CAPN9: variants seen among roughly 807,000 people sequenced by gnomAD.
CAPN9 encodes calpain-9.
CAPN9 carries 81 observed loss-of-function variants against 92.8 expected under a neutral mutation model. That is an observed-to-expected ratio of 0.87 (90% CI 0.73 to 1.05). CAPN9 has a LOEUF of 1.05. Ranked by LOEUF, CAPN9 falls within the 50% of genes least tolerant of loss-of-function variation. The pLI is 0.00. For missense variants in CAPN9, 848 were observed against 866.2 expected, an observed-to-expected ratio of 0.98 and a Z score of 0.26; for synonymous variants, 304 against 328.0, an observed-to-expected ratio of 0.93 and a Z score of 0.79.
At chr1:230,775,713 TG>T (rs764064320) in intron 8 of CAPN9, among the ~76,000 whole-genome samples, 9 of 152,040 alleles carry the variant, frequency 5.9e-5, no homozygotes, top group Non-Finnish European at 1.3e-4. Flanking sequence ...GTCAGGAGAT[TG>T]AAACCATCCT....
chr1:230,793,016 C>A, intron 17 of CAPN9, 88 bp downstream of exon 17: 1 of 1,007,980 alleles, frequency 9.9e-7, no homozygotes, highest in Non-Finnish European at 1.6e-6. Flanking sequence ...CTTCTCTCTG[C>A]TGCCCAGGAG....
In CAPN9 at chr1:230,801,677, A is replaced by G; in HGVS notation, c.*81A>G. 1 of 1,280,092 alleles carries G rather than the reference A, an allele frequency of 7.8e-7. No individual in the cohort carries two copies. Among genetic ancestry groups the G allele is most frequent in the Non-Finnish European group, 1.1e-6 (1 of 875,270 alleles). The allele number at this position is 1,280,092 out of a possible 1,614,324, so 79.3% of individuals were successfully genotyped here. On this transcript the variant is annotated 3_prime_UTR_variant, in exon 20 of 20. Transcript: ENST00000271971. ...CCTTCAGAACTTCTCTTGGTGTGGA[A>G]CCATTACGCCCAGGGTTCACTCCCC... is the stretch of plus-strand genomic sequence containing the variant.
intron 2 of CAPN9, among the ~76,000 whole-genome samples, chr1:230,757,841 G>A (rs12145175): frequency 0.45 from 67,456 of 151,540 alleles, 15,145 homozygotes; most frequent in Non-Finnish European, 0.48. Context: ...CGAGAGGGAG[G>A]TTGGATTGCT....
At chr1:230,756,987 AGGG>A (rs1665263397) in intron 2 of CAPN9, among the ~76,000 whole-genome samples, 1 of 43,620 alleles carries the variant, frequency 2.3e-5, no homozygotes, top group Non-Finnish European at 5.5e-5. Context: ...GAAGGGAGAG[AGGG>A]AGGAAGGGAG....
chr1:230,778,998 C>T lies in CAPN9; in HGVS notation c.979C>T (p.His327Tyr). The change falls in exon 9 of 20, where the codon CAC (histidine) becomes TAC (tyrosine). Residue 327 changes from histidine (H) to tyrosine (Y), a missense_variant. Transcript: ENST00000271971. ...FWMAFKDFKA[H>Y]FDKVEICNLT... is the part of the protein sequence containing the mutation. Reference sequence around the variant, plus strand: ...GATGGCATTTAAGGACTTCAAGGCCCACTTTGATAAAGTGGAGATCTGCAA... The same window carrying T: ...GATGGCATTTAAGGACTTCAAGGCCTACTTTGATAAAGTGGAGATCTGCAA... The T allele has an allele frequency of 1.9e-6, 3 of 1,613,856 alleles. No homozygotes were observed. The highest frequency in any genetic ancestry group is 2.5e-6 in the Non-Finnish European group (3 of 1,179,960).
At chr1:230,765,548 ACTC>A (rs1270582973) in intron 4 of CAPN9, among the ~76,000 whole-genome samples, 14 of 152,004 alleles carry the variant, frequency 9.2e-5, no homozygotes, top group Non-Finnish European at 1.5e-5. Context: ...AATCCCAACT[ACTC>A]GGGAGGCTAA....
At chr1:230,750,052 C>A (rs1438925012) in intron 1 of CAPN9, among the ~76,000 whole-genome samples, 1 of 152,128 alleles carries the variant, frequency 6.6e-6, no homozygotes, top group East Asian at 1.9e-4. Context: ...CCAGGGCCAC[C>A]AAGGCCTGCC....
intron 19 of CAPN9, among the ~76,000 whole-genome samples, chr1:230,800,948 G>A (rs1402976922): frequency 1.3e-5 from 2 of 152,110 alleles, no homozygotes; most frequent in Non-Finnish European, 2.9e-5. Context: ...TTTCATTACA[G>A]TAGCTCTCAT....
intron 2 of CAPN9, among the ~76,000 whole-genome samples, chr1:230,756,432 G>T (rs915533967): frequency 1.3e-5 from 2 of 152,176 alleles, no homozygotes; most frequent in African/African-American, 4.8e-5. Flanking sequence ...TTGATTGATT[G>T]ACTGATAGAC....
rs571764757 is a variant in CAPN9, at chr1:230,774,723, TTTTC to T, written c.953+108_953+111del. On this transcript the variant is annotated intron_variant, in intron 8 of 19. Coordinates refer to ENST00000271971, the MANE Select transcript of CAPN9 (RefSeq NM_006615.3). Reference sequence around the variant, plus strand: ...CACTGTGCTTCTCTCTCGCTTTCCTTTTTCTTTCTTTCTTTCTTTTTTTTTTTTT... The same window carrying T: ...CACTGTGCTTCTCTCTCGCTTTCCTTTTTCTTTCTTTCTTTTTTTTTTTTT... 2.8e-3 allele frequency: 2,129 copies of T among 752,102 alleles called. 93 individuals carry two copies. The highest frequency in any genetic ancestry group is 4.6e-3 in the Middle Eastern group (16 of 3,448). 46.6% of individuals were successfully genotyped at this position (752,102 alleles called of 1,614,324 possible). A position where few individuals can be genotyped will look rare whatever the true frequency, so the allele number is the denominator to read the frequency against.
intron 18 of CAPN9, 63 bp from the exon 19 acceptor site, chr1:230,798,099 G>C: frequency 7.8e-7 from 1 of 1,285,944 alleles, no homozygotes; most frequent in East Asian, 2.3e-5. Flanking sequence ...TTGGTCGCTG[G>C]GAAACAAACT....
chr1:230,747,447 T>A lies in CAPN9; in HGVS notation c.-50T>A. On this transcript the variant is annotated 5_prime_UTR_variant, in exon 1 of 20. Transcript: ENST00000271971. ...CGGCACACACAGCTCGCTTCTTCAC[T>A]TTCTTTTCCATCCACTGCCGGACCC... 12 of 1,523,502 alleles carry A rather than the reference T, an allele frequency of 7.9e-6. No individual in the cohort carries two copies. Among genetic ancestry groups the A allele is most frequent in the Non-Finnish European group, 1.1e-5 (12 of 1,098,944 alleles). 94.4% of individuals were successfully genotyped at this position (1,523,502 alleles called of 1,614,324 possible).
At chr1:230,762,610 T>C (rs779567994) in intron 3 of CAPN9, 43 bp from the exon 4 acceptor site, 310 of 1,606,624 alleles carry the variant, frequency 1.9e-4, no homozygotes, top group Non-Finnish European at 2.6e-4. Flanking sequence ...GGAGCTCCCA[T>C]GTAGCTGACT....
chr1:230,772,772 A>G (rs1666475470), intron 7 of CAPN9, among the ~76,000 whole-genome samples: 1 of 151,746 alleles, frequency 6.6e-6, no homozygotes, highest in Non-Finnish European at 1.5e-5. Context: ...TAAAGGAAAA[A>G]AAATAGAGGA....
chr1:230,780,123 G>C, intron 9 of CAPN9, 56 bp from the exon 10 acceptor site: 1 of 1,088,084 alleles, frequency 9.2e-7, no homozygotes, highest in Non-Finnish European at 1.4e-6. Context: ...TGTGTGTGTG[G>C]TCTTTGTGGG....
rs1277658834 is a variant in CAPN9 at position 230,759,579 on chromosome 1, C to G, written c.351C>G (p.Ile117Met). The change falls in exon 3 of 20, where the codon ATC becomes ATG. Residue 117 changes from isoleucine (I) to methionine (M), a missense_variant. By Grantham distance (10) the Ile-to-Met change is conservative (BLOSUM62 1). Transcript: ENST00000271971. ...TLNQKALARV[I>M]PQDQSFGPGY... ...ATCAAAAAGCACTGGCCAGAGTCATCCCCCAGGACCAAAGCTTTGGCCCTG... is the reference window on the plus strand; with the variant it reads ...ATCAAAAAGCACTGGCCAGAGTCATGCCCCAGGACCAAAGCTTTGGCCCTG... The G allele has an allele frequency of 6.2e-7, 1 of 1,610,234 alleles. No homozygotes were observed. The highest frequency in any genetic ancestry group is 1.1e-5 in the South Asian group (1 of 89,962).
At chr1:230,778,919 A>T in intron 8 of CAPN9, 54 bp from the exon 9 acceptor site, 2 of 1,472,646 alleles carry the variant, frequency 1.4e-6, no homozygotes, top group South Asian at 2.4e-5. Flanking sequence ...GAGTGAATGG[A>T]TGATGCCCTC....
chr1:230,767,419 A>G, intron 4 of CAPN9, 122 bp from the exon 5 acceptor site: 1 of 773,700 alleles, frequency 1.3e-6, no homozygotes, highest in Non-Finnish European at 2.0e-6. Context: ...CTTCCACACC[A>G]CCCAGCCAGG....
intron 13 of CAPN9, among the ~76,000 whole-genome samples, chr1:230,789,350 A>G (rs549335225): frequency 2.0e-5 from 3 of 151,958 alleles, no homozygotes; most frequent in Admixed American, 6.6e-5. Context: ...GTGCATGCCT[A>G]TAGTCCCAGC....
Sources: gnomAD v4.1 joint callset for allele counts (sites outside exome capture counted in the v4.1 genomes callset) on GRCh38, gnomAD v4.1.1 for gene constraint, MANE v1.5 for transcripts, NCBI Gene and HGNC (gene_info 2026-07-23, HGNC 2026-07-21) for gene names.